Variants in PRKG1 observed in about 807,000 individuals in gnomAD.
PRKG1 encodes protein kinase cGMP-dependent 1.
In PRKG1, 35 loss-of-function variants were observed where a neutral mutation model predicts 88.1. The observed-to-expected ratio is 0.40, with a 90% CI of 0.30 to 0.53. The LOEUF (loss-of-function observed/expected upper bound fraction) is 0.53. PRKG1 is among the 20% of genes least tolerant of loss of function. The pLI, the probability that PRKG1 is intolerant of heterozygous loss-of-function variation, is 0.59. For missense variants in PRKG1, 540 were observed against 839.8 expected, an observed-to-expected ratio of 0.64 and a Z score of 4.41; for synonymous variants, 303 against 292.5, an observed-to-expected ratio of 1.04 and a Z score of -0.37.
At chr10:52,164,346 T>TG (rs1429518417) in intron 9 of PRKG1, among the ~76,000 whole-genome samples, 1 of 141,714 alleles carries the variant, frequency 7.1e-6, no homozygotes, top group Non-Finnish European at 1.6e-5. Flanking sequence ...AGCAAAACTC[T>TG]GTCTCAAAAA....
At chr10:51,323,606 T>A (rs974806185) in intron 2 of PRKG1, among the ~76,000 whole-genome samples, 2 of 152,230 alleles carry the variant, frequency 1.3e-5, no homozygotes, top group Admixed American at 1.3e-4. Context: ...AATTAAAATC[T>A]TATATATTTC....
chr10:51,006,404 T>C (rs917474790), intron 1 of PRKG1, among the ~76,000 whole-genome samples: 4 of 152,230 alleles, frequency 2.6e-5, no homozygotes, highest in Admixed American at 2.0e-4. Context: ...GTTTATTGCC[T>C]TATAGAATGT....
intron 2 of PRKG1, among the ~76,000 whole-genome samples, chr10:51,317,531 C>T (rs1841353394): frequency 6.6e-6 from 1 of 152,078 alleles, no homozygotes; most frequent in Admixed American, 6.6e-5. Context: ...GAATCCTAAA[C>T]AGAATAAACT....
chr10:52,206,723 G>A (rs1839829017), intron 9 of PRKG1, among the ~76,000 whole-genome samples: 1 of 152,158 alleles, frequency 6.6e-6, no homozygotes, highest in Non-Finnish European at 1.5e-5. Flanking sequence ...GTGATTTAAT[G>A]CTAGAGGGCT....
intron 4 of PRKG1, among the ~76,000 whole-genome samples, chr10:51,826,406 A>G (rs12265938): frequency 0.21 from 31,921 of 152,132 alleles, 5,393 homozygotes; most frequent in African/African-American, 0.47. Context: ...CCCTCTGGGA[A>G]CCAAGAATCT....
At chr10:51,904,478 G>A (rs937340315) in intron 4 of PRKG1, among the ~76,000 whole-genome samples, 7 of 152,082 alleles carry the variant, frequency 4.6e-5, no homozygotes, top group African/African-American at 1.7e-4. Flanking sequence ...TGTTCCTAGT[G>A]TGTATGCTAC....
intron 5 of PRKG1, among the ~76,000 whole-genome samples, chr10:51,993,052 G>A (rs1042300974): frequency 1.3e-5 from 2 of 152,124 alleles, no homozygotes; most frequent in South Asian, 4.1e-4. Context: ...CCATCTGAAT[G>A]AGACATAATA....
chr10:51,009,374 C>T (rs768588589), intron 1 of PRKG1, among the ~76,000 whole-genome samples: 2 of 152,200 alleles, frequency 1.3e-5, no homozygotes, highest in Non-Finnish European at 2.9e-5. Context: ...ACATTATTCT[C>T]TGCATTTAAA....
intron 5 of PRKG1, among the ~76,000 whole-genome samples, chr10:51,999,061 G>T (rs1185537272): frequency 6.6e-6 from 1 of 152,086 alleles, no homozygotes. Context: ...GTTTTTTGGG[G>T]TTTAGGGGAG....
intron 6 of PRKG1, among the ~76,000 whole-genome samples, chr10:52,055,215 A>T (rs1051391081): frequency 2.6e-5 from 4 of 152,256 alleles, no homozygotes; most frequent in Non-Finnish European, 5.9e-5. Flanking sequence ...CTATAATGAA[A>T]CATCTGGGCT....
At chr10:52,006,108 A>C (rs959610083) in intron 5 of PRKG1, among the ~76,000 whole-genome samples, 6 of 151,798 alleles carry the variant, frequency 4.0e-5, no homozygotes, top group African/African-American at 1.5e-4. Context: ...AACAAAAAAA[A>C]CAAGTCTATC....
chr10:51,875,250 C>A (rs564883764), intron 4 of PRKG1, among the ~76,000 whole-genome samples: 3 of 151,500 alleles, frequency 2.0e-5, no homozygotes, highest in East Asian at 1.9e-4. Flanking sequence ...TGGACAAATG[C>A]GCTTTATTAG....
At chr10:51,379,182 C>T (rs1588896531) in intron 2 of PRKG1, among the ~76,000 whole-genome samples, 1 of 152,246 alleles carries the variant, frequency 6.6e-6, no homozygotes, top group South Asian at 2.1e-4. Flanking sequence ...ATACCACATA[C>T]CTTGTATCAG....
chr10:51,177,653 C>A (rs139691342), intron 2 of PRKG1, among the ~76,000 whole-genome samples: 3 of 152,026 alleles, frequency 2.0e-5, no homozygotes, highest in African/African-American at 7.3e-5. Context: ...GTTATTCCAA[C>A]TCTATGGAAA....
At chr10:51,836,781 TAA>T (rs1840142254) in intron 4 of PRKG1, among the ~76,000 whole-genome samples, 2 of 152,232 alleles carry the variant, frequency 1.3e-5, no homozygotes, top group South Asian at 4.1e-4. Context: ...AAGAAAAACA[TAA>T]GTCTTTAACT....
At chr10:51,563,435 A>T (rs1467885234) in intron 3 of PRKG1, among the ~76,000 whole-genome samples, 1 of 152,138 alleles carries the variant, frequency 6.6e-6, no homozygotes, top group Non-Finnish European at 1.5e-5. Context: ...TTCAATTTTA[A>T]AAAGGAGAGT....
rs78419561 is a variant in PRKG1 at position 51,895,907 on chromosome 10, C to A, written c.699-11600C>A. Among the ~76,000 whole-genome samples the A allele has an allele frequency of 5.4e-3, 814 of 152,126 alleles. 7 individuals carry two copies. Among genetic ancestry groups the A allele is most frequent in the African/African-American group, 0.019 (775 of 41,512 alleles). On this transcript the variant is annotated intron_variant, in intron 4 of 17. Transcript: ENST00000373980. ...TGACCTGAAGCACCAGAGCTCCCAG[C>A]CTGACAGAGGTTCCCTTTCTCCTCT...
intron 3 of PRKG1, among the ~76,000 whole-genome samples, chr10:51,715,356 T>C (rs922440444): frequency 1.3e-5 from 2 of 152,126 alleles, no homozygotes; most frequent in Non-Finnish European, 1.5e-5. Context: ...AGGAACTCAA[T>C]AGAATGAAGA....
At chr10:51,544,472 T>G (rs1842397467) in intron 3 of PRKG1, among the ~76,000 whole-genome samples, 2 of 152,024 alleles carry the variant, frequency 1.3e-5, no homozygotes, top group African/African-American at 4.8e-5. Context: ...ACATTTGGGT[T>G]GGTTCCAAGT....
Sources: allele counts gnomAD v4.1 joint callset (sites outside exome capture counted in the v4.1 genomes callset), GRCh38; gene constraint gnomAD v4.1.1; transcripts MANE v1.5; gene names NCBI Gene and HGNC (gene_info 2026-07-23, HGNC 2026-07-21).